CORIN: variants seen among roughly 807,000 people sequenced by gnomAD.
CORIN encodes the protein atrial natriuretic peptide-converting enzyme.
Under a neutral mutation model 125.3 loss-of-function variants are expected in CORIN, and 117 were observed. The observed-to-expected ratio is 0.93, with a 90% CI of 0.80 to 1.09. The LOEUF (loss-of-function observed/expected upper bound fraction) is 1.09. Among genes scored for constraint, CORIN ranks in the 50% least tolerant of loss-of-function variants. The pLI is 0.00. For synonymous variants in CORIN, 450 were observed against 466.4 expected (o/e 0.96, Z 0.45); for missense variants, 1,253 against 1,306.7 (o/e 0.96, Z 0.63).
At chr4:47,707,777 CAG>C (rs1211794438) in intron 5 of CORIN, among the ~76,000 whole-genome samples, 1 of 152,232 alleles carries the variant, frequency 6.6e-6, no homozygotes, top group East Asian at 1.9e-4. Flanking sequence ...ACTGACCCTA[CAG>C]GACCAGGGGT....
At chr4:47,626,552 C>T in intron 16 of CORIN, 31 bp from the exon 17 acceptor site, 1 of 1,294,952 alleles carries the variant, frequency 7.7e-7, no homozygotes, top group East Asian at 2.3e-5. Context: ...GATAAGTATT[C>T]AAAGTACAAT....
chr4:47,672,126 T>C (rs1724790167), intron 10 of CORIN, among the ~76,000 whole-genome samples: 1 of 152,150 alleles, frequency 6.6e-6, no homozygotes, highest in Admixed American at 6.5e-5. Flanking sequence ...TGACAATATG[T>C]TCTCCCACAC....
chr4:47,617,976 G>T (rs1394784174), intron 19 of CORIN, among the ~76,000 whole-genome samples: 1 of 81,890 alleles, frequency 1.2e-5, no homozygotes, highest in Admixed American at 1.5e-4. Flanking sequence ...TGAAAGTCAG[G>T]CATGGCAGTA....
At chr4:47,795,117 T>A (rs1422516278) in intron 2 of CORIN, among the ~76,000 whole-genome samples, 1 of 152,174 alleles carries the variant, frequency 6.6e-6, no homozygotes, top group African/African-American at 2.4e-5. Flanking sequence ...TGGATTTATT[T>A]CTGGGCTCTA....
At chr4:47,747,671 T>C (rs1373258011) in intron 4 of CORIN, among the ~76,000 whole-genome samples, 1 of 152,216 alleles carries the variant, frequency 6.6e-6, no homozygotes, top group Non-Finnish European at 1.5e-5. Context: ...CATTGACTCT[T>C]ACGGTGGTCA....
At chr4:47,813,232 G>A (rs558976729) in intron 1 of CORIN, among the ~76,000 whole-genome samples, 42 of 152,258 alleles carry the variant, frequency 2.8e-4, no homozygotes, top group Non-Finnish European at 5.3e-4. Context: ...GTCAAGTATC[G>A]CTGCATTTGC....
intron 5 of CORIN, among the ~76,000 whole-genome samples, chr4:47,708,119 C>T (rs543908296): frequency 2.1e-4 from 32 of 152,270 alleles, no homozygotes; most frequent in African/African-American, 7.7e-4. Flanking sequence ...AATATCAATG[C>T]TCAAGAGGGC....
intron 16 of CORIN, among the ~76,000 whole-genome samples, chr4:47,634,928 C>A (rs1379955524): frequency 6.6e-6 from 1 of 152,196 alleles, no homozygotes; most frequent in Admixed American, 6.5e-5. Flanking sequence ...ACAATATGTG[C>A]CCGCTGCATG....
At chr4:47,617,910 A>T (rs1198224427) in intron 19 of CORIN, among the ~76,000 whole-genome samples, 1 of 152,186 alleles carries the variant, frequency 6.6e-6, no homozygotes, top group East Asian at 1.9e-4. Flanking sequence ...TAGGAGAGAG[A>T]GATGTTTAGA....
chr4:47,644,227 T>G (rs1723367727), intron 14 of CORIN, among the ~76,000 whole-genome samples: 1 of 152,210 alleles, frequency 6.6e-6, no homozygotes, highest in African/African-American at 2.4e-5. Flanking sequence ...ATGAACACAG[T>G]TCTTCCTCCT....
chr4:47,606,148 C>A (rs567368898), intron 19 of CORIN, among the ~76,000 whole-genome samples: 8 of 152,130 alleles, frequency 5.3e-5, no homozygotes, highest in Non-Finnish European at 8.8e-5. Context: ...CCTGCCTATA[C>A]AAACATTGTA....
intron 5 of CORIN, among the ~76,000 whole-genome samples, chr4:47,710,701 T>G (rs1361459980): frequency 6.6e-6 from 1 of 152,230 alleles, no homozygotes; most frequent in African/African-American, 2.4e-5. Context: ...CTTGTTGCCC[T>G]GTAATTACCA....
chr4:47,729,350 T>C (rs929087474), intron 5 of CORIN, among the ~76,000 whole-genome samples: 6 of 152,220 alleles, frequency 3.9e-5, no homozygotes, highest in Non-Finnish European at 8.8e-5. Context: ...GTTTCTTACA[T>C]AGCTTCTCTT....
chr4:47,626,566 C>A, intron 16 of CORIN, 45 bp from the exon 17 acceptor site: 1 of 1,153,470 alleles, frequency 8.7e-7, no homozygotes, highest in Non-Finnish European at 1.3e-6. Context: ...GTACAATGAT[C>A]TTTGAACAGG....
At chr4:47,680,548 A>G (rs932055611) in intron 7 of CORIN, 9 of 260,442 alleles carry the variant, frequency 3.5e-5, no homozygotes, top group African/African-American at 1.8e-4. Context: ...TTTAGTTGTC[A>G]TTTTCTTTCC....
At chr4:47,669,772 T>A (rs1250352320) in intron 10 of CORIN, among the ~76,000 whole-genome samples, 1 of 152,114 alleles carries the variant, frequency 6.6e-6, no homozygotes, top group African/African-American at 2.4e-5. Context: ...GGTTTCACCA[T>A]GTTAGCCAGG....
In CORIN at chr4:47,693,068, C is replaced by A; in HGVS notation, c.815G>T (p.Gly272Val). The A allele has an allele frequency of 6.2e-7, 1 of 1,612,418 alleles. No individual in the cohort carries two copies. The highest frequency in any genetic ancestry group is 8.5e-7 in the Non-Finnish European group (1 of 1,178,674). The change falls in exon 6 of 22, where the codon GGT becomes GTT. Residue 272 changes from glycine (G) to valine (V), a missense_variant. Coordinates refer to ENST00000273857, the MANE Select transcript of CORIN (RefSeq NM_006587.4). ...ENGKQLLCGRGENFLCASGIC... is the reference protein window; with the variant it reads ...ENGKQLLCGRVENFLCASGIC... ...TCCACTGGCACACAGAAAGTTCTCA[C>A]CCCTTCCACAGAGCACTAAAAAAAA...
chr4:47,603,428 A>G lies in CORIN; in HGVS notation c.2781T>C (p.Tyr927=). 6.2e-7 allele frequency: 1 copy of G among 1,614,192 alleles called. No homozygotes were observed. The highest frequency in any genetic ancestry group is 8.5e-7 in the Non-Finnish European group (1 of 1,180,030). The part of the protein sequence containing the change: ...EQWLEPDTYC[Y]ITGWGHMGNK... ...TGCCCATGTGGCCCCAGCCTGTGATATAGCAGTACGTGTCAGGCTCTAGCC... is the reference window on the plus strand; with the variant it reads ...TGCCCATGTGGCCCCAGCCTGTGATGTAGCAGTACGTGTCAGGCTCTAGCC... Residue 927 remains tyrosine (Y), a synonymous_variant, in exon 20 of 22, where the codon TAT becomes TAC. Transcript: ENST00000273857.
intron 5 of CORIN, among the ~76,000 whole-genome samples, chr4:47,693,289 C>T (rs984103242): frequency 6.6e-6 from 1 of 152,102 alleles, no homozygotes; most frequent in African/African-American, 2.4e-5. Context: ...AGAGTGATTG[C>T]TTGTCTGAGG....
Sources: allele counts gnomAD v4.1 joint callset (sites outside exome capture counted in the v4.1 genomes callset), GRCh38; gene constraint gnomAD v4.1.1; transcripts MANE v1.5; gene names NCBI Gene and HGNC (gene_info 2026-07-23, HGNC 2026-07-21).